Variants in WFDC11 observed in about 807,000 individuals in gnomAD.
The protein encoded by WFDC11 is protein WFDC11.
In WFDC11, 9 loss-of-function variants were observed where a neutral mutation model predicts 9.9. That is an observed-to-expected ratio of 0.91 (90% CI 0.55 to 1.58). The LOEUF is 1.58. WFDC11 is among the 40% of genes most tolerant of loss of function. The probability of loss-of-function intolerance (pLI) is 0.00; values close to 1 mark genes in which losing one functional copy is unlikely to be tolerated. For missense variants in WFDC11, 106 were observed against 101.7 expected, an observed-to-expected ratio of 1.04 and a Z score of -0.18; for synonymous variants, 32 against 33.3, an observed-to-expected ratio of 0.96 and a Z score of 0.13.
intron 2 of WFDC11, among the ~76,000 whole-genome samples, chr20:45,652,747 G>T (rs773596215): frequency 6.6e-6 from 1 of 152,160 alleles, no homozygotes; most frequent in Non-Finnish European, 1.5e-5. Context: ...GAATTCTGAT[G>T]GAGCTGAAAA....
In WFDC11 at chr20:45,649,393, T is replaced by G; in HGVS notation, c.107A>C (p.Glu36Ala). Residue 36 changes from glutamate (E) to alanine (A), a missense_variant, in exon 4 of 5, where the codon GAA becomes GCA. Glu to Ala is a moderately radical substitution (Grantham distance 107). Transcript: ENST00000324384. ...TCCCCAGCATTCTTCAAGTAACAATTCCTTCCCTGAAATTGAGATGAGATG... is the reference window on the plus strand; with the variant it reads ...TCCCCAGCATTCTTCAAGTAACAATGCCTTCCCTGAAATTGAGATGAGATG... ...EMRKKRYDRKELLLEECWGKP... is the reference protein window; with the variant it reads ...EMRKKRYDRKALLLEECWGKP... The G allele has an allele frequency of 3.7e-6, 6 of 1,613,880 alleles. No homozygotes were observed. The highest frequency in any genetic ancestry group is 5.1e-6 in the Non-Finnish European group (6 of 1,180,000).
At chr20:45,657,334 CA>C (rs1160696141) in intron 2 of WFDC11, among the ~76,000 whole-genome samples, 1 of 149,488 alleles carries the variant, frequency 6.7e-6, no homozygotes, top group East Asian at 2.0e-4. Context: ...ATCGCAAGGA[CA>C]AAAAACCAAA....
chr20:45,660,661 C>T (rs556308719), intron 2 of WFDC11, among the ~76,000 whole-genome samples: 25 of 152,028 alleles, frequency 1.6e-4, no homozygotes, highest in Admixed American at 3.3e-4. Flanking sequence ...TGAGAATACG[C>T]GGTGTTTGGT....
intron 2 of WFDC11, among the ~76,000 whole-genome samples, chr20:45,654,305 A>G (rs1568661728): frequency 6.6e-6 from 1 of 152,244 alleles, no homozygotes; most frequent in African/African-American, 2.4e-5. Context: ...ATACTTGGAA[A>G]CTGAACAACC....
intron 2 of WFDC11, among the ~76,000 whole-genome samples, chr20:45,655,601 G>A (rs1293939193): frequency 6.6e-6 from 1 of 152,150 alleles, no homozygotes; most frequent in Non-Finnish European, 1.5e-5. Context: ...GGCAGGAAAA[G>A]GAAATAAATG....
intron 2 of WFDC11, among the ~76,000 whole-genome samples, chr20:45,664,242 C>A (rs1429628438): frequency 6.6e-6 from 1 of 151,676 alleles, no homozygotes; most frequent in Non-Finnish European, 1.5e-5. Context: ...AGAATTGTGA[C>A]CCCTGCTTTT....
At chr20:45,656,486 G>A (rs1330406665) in intron 2 of WFDC11, among the ~76,000 whole-genome samples, 2 of 152,150 alleles carry the variant, frequency 1.3e-5, no homozygotes, top group African/African-American at 2.4e-5. Flanking sequence ...AAAAACCCTG[G>A]AAGAAAACCT....
At chr20:45,649,193 A>G in intron 4 of WFDC11, 64 bp downstream of exon 4, 7 of 1,585,440 alleles carry the variant, frequency 4.4e-6, no homozygotes, top group Non-Finnish European at 6.0e-6. Context: ...TAGGAATAAC[A>G]GCCTCCGAGA....
In WFDC11 at chr20:45,669,990, C is replaced by T. The variant is rs555693951; in HGVS notation, c.-134+188G>A. ...AAAAATAACAAAGGGGATATTACCA[C>T]TGACCCCATAAAAATACAAACAAAA... On this transcript the variant is annotated intron_variant, in intron 1 of 4. Coordinates refer to ENST00000324384, the MANE Select transcript of WFDC11 (RefSeq NM_147197.2). Among the ~76,000 whole-genome samples the T allele has an allele frequency of 1.1e-4, 16 of 152,194 alleles. No individual in the cohort carries two copies. The East Asian group carries it at 3.1e-3, about 29-fold the overall frequency.
intron 1 of WFDC11, among the ~76,000 whole-genome samples, chr20:45,668,979 A>G (rs1403494319): frequency 1.3e-5 from 2 of 152,190 alleles, no homozygotes; most frequent in Non-Finnish European, 2.9e-5. Context: ...TTCTCTCTTC[A>G]TAATGTTTAG....
At chr20:45,667,938 A>T (rs1290227191) in intron 1 of WFDC11, among the ~76,000 whole-genome samples, 4 of 152,246 alleles carry the variant, frequency 2.6e-5, no homozygotes, top group Non-Finnish European at 5.9e-5. Flanking sequence ...CAAATATTTA[A>T]CATGTATTAA....
chr20:45,655,459 A>G (rs1223623621), intron 2 of WFDC11, among the ~76,000 whole-genome samples: 1 of 152,200 alleles, frequency 6.6e-6, no homozygotes, highest in African/African-American at 2.4e-5. Context: ...ATCTATGACA[A>G]ATGCACAGCC....
chr20:45,665,659 T>G (rs1453530945), intron 2 of WFDC11, among the ~76,000 whole-genome samples: 1 of 152,240 alleles, frequency 6.6e-6, no homozygotes, highest in African/African-American at 2.4e-5. Context: ...TTAGTTTTCC[T>G]TCTAATAGTC....
chr20:45,661,597 C>T lies in WFDC11; in HGVS notation c.-52+5491G>A, dbSNP rs370486702. On this transcript the variant is annotated intron_variant, in intron 2 of 4. Transcript: ENST00000324384. ...TCCATCTTGAATTAATTTTTGTATA[C>T]GGTGTAAGGAAGGGATCCAGTTTCA... is the stretch of plus-strand genomic sequence containing the variant. Among the ~76,000 whole-genome samples the T allele has an allele frequency of 1.5e-3, 222 of 152,044 alleles. 1 individual carries two copies. The highest frequency in any genetic ancestry group is 4.3e-3 in the African/African-American group (178 of 41,486).
intron 2 of WFDC11, among the ~76,000 whole-genome samples, chr20:45,656,223 TA>T (rs141256331): frequency 6.6e-6 from 1 of 150,776 alleles, no homozygotes; most frequent in East Asian, 1.9e-4. Flanking sequence ...ATAGTACTGG[TA>T]AAAAAAAACA....
chr20:45,651,226 G>C (rs1225619793), intron 2 of WFDC11, among the ~76,000 whole-genome samples: 1 of 152,162 alleles, frequency 6.6e-6, no homozygotes, highest in Non-Finnish European at 1.5e-5. Context: ...CACCTACTAT[G>C]TGCCCAGCAC....
At chr20:45,654,035 T>A (rs1215221877) in intron 2 of WFDC11, among the ~76,000 whole-genome samples, 1 of 152,146 alleles carries the variant, frequency 6.6e-6, no homozygotes, top group Non-Finnish European at 1.5e-5. Flanking sequence ...GACAGAAAGT[T>A]AACAAGGATT....
At chr20:45,666,560 C>T (rs548242157) in intron 2 of WFDC11, among the ~76,000 whole-genome samples, 10 of 152,306 alleles carry the variant, frequency 6.6e-5, no homozygotes, top group East Asian at 5.8e-4. Context: ...ATCTTGGAGC[C>T]GCCTCCTCCA....
At chr20:45,654,468 AAG>A (rs1402024996) in intron 2 of WFDC11, among the ~76,000 whole-genome samples, 2 of 152,224 alleles carry the variant, frequency 1.3e-5, no homozygotes, top group Non-Finnish European at 2.9e-5. Context: ...AAATGCCCAC[AAG>A]AGAGAGCAGG....
Sources: allele counts gnomAD v4.1 joint callset (sites outside exome capture counted in the v4.1 genomes callset), GRCh38; gene constraint gnomAD v4.1.1; transcripts MANE v1.5; gene names NCBI Gene and HGNC (gene_info 2026-07-23, HGNC 2026-07-21).